The following SLC35F4 variants were observed in gnomAD, a reference collection of about 807,000 sequenced individuals.
SLC35F4 encodes the protein chromosome 14 open reading frame 36.
SLC35F4 carries 24 observed loss-of-function variants against 44.2 expected under a neutral mutation model. The observed-to-expected ratio is 0.54, with a 90% confidence interval of 0.39 to 0.76. The LOEUF (loss-of-function observed/expected upper bound fraction) is 0.76. Among genes scored for constraint, SLC35F4 ranks in the 30% least tolerant of loss-of-function variants. The pLI, the probability that SLC35F4 is intolerant of heterozygous loss-of-function variation, is 0.00. For synonymous variants in SLC35F4, 238 were observed against 223.6 expected, an observed-to-expected ratio of 1.06 and a Z score of -0.57; for missense variants, 562 against 586.1, an observed-to-expected ratio of 0.96 and a Z score of 0.42.
chr14:57,771,154 C>T (rs1459984644), intron 1 of SLC35F4, among the ~76,000 whole-genome samples: 1 of 152,106 alleles, frequency 6.6e-6, no homozygotes, highest in Non-Finnish European at 1.5e-5. Flanking sequence ...TCTTCTACAC[C>T]TCTAGTCCCT....
intron 1 of SLC35F4, among the ~76,000 whole-genome samples, chr14:57,948,779 T>C (rs180981278): frequency 9.6e-4 from 146 of 152,324 alleles, no homozygotes; most frequent in Non-Finnish European, 1.5e-3. Flanking sequence ...TCCATGTTGA[T>C]TTCATTGTTG....
intron 1 of SLC35F4, among the ~76,000 whole-genome samples, chr14:57,771,109 G>A (rs1177026893): frequency 4.6e-5 from 7 of 152,022 alleles, no homozygotes; most frequent in Non-Finnish European, 8.8e-5. Flanking sequence ...AATTCTTTTG[G>A]AGAGTATAAT....
intron 1 of SLC35F4, among the ~76,000 whole-genome samples, chr14:57,855,374 C>T (rs372852741): frequency 6.6e-6 from 1 of 151,936 alleles, no homozygotes; most frequent in Non-Finnish European, 1.5e-5. Context: ...AAAAAGTGGG[C>T]AAAGAATATG....
chr14:57,925,232 A>G (rs1471781071), intron 1 of SLC35F4, among the ~76,000 whole-genome samples: 1 of 152,148 alleles, frequency 6.6e-6, no homozygotes, highest in Non-Finnish European at 1.5e-5. Context: ...TGAGATTTGA[A>G]GGGCACAAAT....
intron 1 of SLC35F4, among the ~76,000 whole-genome samples, chr14:57,671,865 A>C (rs2074533820): frequency 6.6e-6 from 1 of 152,060 alleles, no homozygotes; most frequent in South Asian, 2.1e-4. Context: ...CACTCTATTA[A>C]TTCTCCCCAT....
chr14:57,759,101 T>G (rs886174915), intron 1 of SLC35F4, among the ~76,000 whole-genome samples: 1 of 152,154 alleles, frequency 6.6e-6, no homozygotes, highest in African/African-American at 2.4e-5. Flanking sequence ...TTACTTTGCA[T>G]GTTTATATCA....
chr14:57,841,941 C>A (rs1271174335), intron 1 of SLC35F4, among the ~76,000 whole-genome samples: 1 of 152,170 alleles, frequency 6.6e-6, no homozygotes, highest in South Asian at 2.1e-4. Context: ...TGTTGGAACA[C>A]GAAGTTATCA....
intron 1 of SLC35F4, among the ~76,000 whole-genome samples, chr14:57,641,323 C>A (rs1473266751): frequency 6.6e-6 from 1 of 151,930 alleles, no homozygotes; most frequent in Non-Finnish European, 1.5e-5. Flanking sequence ...CCAACTGAGA[C>A]AGCCCCAGAA....
At chr14:57,749,421 C>T (rs1280019060) in intron 1 of SLC35F4, among the ~76,000 whole-genome samples, 2 of 152,058 alleles carry the variant, frequency 1.3e-5, no homozygotes, top group East Asian at 1.9e-4. Flanking sequence ...AACAAAACAA[C>T]GGCCAGTGCA....
intron 1 of SLC35F4, among the ~76,000 whole-genome samples, chr14:57,969,596 CA>C (rs1312151793): frequency 6.6e-6 from 1 of 152,148 alleles, no homozygotes; most frequent in Non-Finnish European, 1.5e-5. Flanking sequence ...AAGTATTCTG[CA>C]TTTTTTTAAT....
At chr14:57,823,183 G>A (rs10133827) in intron 1 of SLC35F4, among the ~76,000 whole-genome samples, 26,998 of 151,874 alleles carry the variant, frequency 0.18, 3,139 homozygotes, top group African/African-American at 0.34. Flanking sequence ...TACCTTCTCG[G>A]CATCATTCTC....
chr14:57,764,848 G>A (rs774352258), intron 1 of SLC35F4, among the ~76,000 whole-genome samples: 1 of 152,092 alleles, frequency 6.6e-6, no homozygotes, highest in South Asian at 2.1e-4. Context: ...ACAATGTAAA[G>A]TTTTGTCTTA....
chr14:57,843,534 C>T (rs896413028), intron 1 of SLC35F4, among the ~76,000 whole-genome samples: 4 of 152,052 alleles, frequency 2.6e-5, no homozygotes, highest in Non-Finnish European at 5.9e-5. Flanking sequence ...CTCAGCTTGA[C>T]AAGTTGGGAG....
At chr14:57,909,022 A>G (rs1268788257) in intron 1 of SLC35F4, among the ~76,000 whole-genome samples, 1 of 152,178 alleles carries the variant, frequency 6.6e-6, no homozygotes, top group Non-Finnish European at 1.5e-5. Context: ...TTTTCTGAGC[A>G]CCATTTATTG....
intron 1 of SLC35F4, among the ~76,000 whole-genome samples, chr14:57,849,371 A>C (rs1190518509): frequency 1.3e-5 from 2 of 152,184 alleles, no homozygotes; most frequent in African/African-American, 4.8e-5. Context: ...CATGTTGGCC[A>C]GGCTGGTCTC....
At chr14:57,739,617 T>C (rs539760287) in intron 1 of SLC35F4, among the ~76,000 whole-genome samples, 25 of 152,226 alleles carry the variant, frequency 1.6e-4, no homozygotes, top group African/African-American at 5.3e-4. Context: ...CGTTTGTGGA[T>C]TGTGTTGCAG....
At chr14:57,589,566 A>C (rs577794611) in intron 2 of SLC35F4, 53 bp from the exon 3 acceptor site, 2 of 1,485,050 alleles carry the variant, frequency 1.3e-6, no homozygotes, top group African/African-American at 2.8e-5. Context: ...TGAAACAGCA[A>C]TCAAATATAT....
At chr14:57,645,094 G>A (rs186758488) in intron 1 of SLC35F4, among the ~76,000 whole-genome samples, 24 of 152,254 alleles carry the variant, frequency 1.6e-4, no homozygotes, top group African/African-American at 3.9e-4. Context: ...GGATTGATTC[G>A]ATGATGCAGA....
chr14:57,670,840 G>A (rs2074491458), intron 1 of SLC35F4, among the ~76,000 whole-genome samples: 1 of 150,384 alleles, frequency 6.6e-6, no homozygotes, highest in Non-Finnish European at 1.5e-5. Context: ...TCTAATCCCA[G>A]AAAGACTAGG....
Sources: gnomAD v4.1 joint callset for allele counts (sites outside exome capture counted in the v4.1 genomes callset) on GRCh38, gnomAD v4.1.1 for gene constraint, MANE v1.5 for transcripts, NCBI Gene and HGNC (gene_info 2026-07-23, HGNC 2026-07-21) for gene names.